CGNL1: variants seen among roughly 807,000 people sequenced by gnomAD.
CGNL1 encodes cingulin like 1, also known as cingulin-like protein 1.
Under a neutral mutation model 141.2 loss-of-function variants are expected in CGNL1, and 132 were observed. The ratio of observed to expected loss-of-function variants is 0.93; its 90% confidence interval spans 0.81 to 1.08. The LOEUF is 1.08. Ranked by LOEUF, CGNL1 falls within the 50% of genes least tolerant of loss-of-function variation. The pLI is 0.00. For synonymous variants in CGNL1, 690 were observed against 622.1 expected (o/e 1.11, Z -1.63); for missense variants, 1,870 against 1,588.6 (o/e 1.18, Z -3.01).
intron 8 of CGNL1, among the ~76,000 whole-genome samples, chr15:57,506,987 G>GT (rs1266821270): frequency 2.6e-5 from 4 of 152,144 alleles, no homozygotes; most frequent in Non-Finnish European, 1.5e-5. Flanking sequence ...CAGTTCAGTG[G>GT]TTTTTTATAT....
At chr15:57,429,038 T>TAAA (rs58040196) in intron 1 of CGNL1, among the ~76,000 whole-genome samples, 23 of 142,022 alleles carry the variant, frequency 1.6e-4, no homozygotes, top group Admixed American at 9.6e-4. Flanking sequence ...ACAACAGCAA[T>TAAA]AAAAAAAAAA....
At chr15:57,523,287 G>A (rs2031389681) in intron 10 of CGNL1, among the ~76,000 whole-genome samples, 2 of 152,214 alleles carry the variant, frequency 1.3e-5, no homozygotes, top group African/African-American at 4.8e-5. Flanking sequence ...TTTTGGGTAA[G>A]TCAACTTTCC....
At chr15:57,454,545 C>T (rs2063356621) in intron 7 of CGNL1, among the ~76,000 whole-genome samples, 1 of 152,142 alleles carries the variant, frequency 6.6e-6, no homozygotes, top group East Asian at 1.9e-4. Flanking sequence ...TAGAACTTAG[C>T]CTTTCTTCAC....
At chr15:57,477,518 A>G (rs1057039132) in intron 8 of CGNL1, 12 of 152,244 alleles carry the variant, frequency 7.9e-5, no homozygotes, top group African/African-American at 2.9e-4. Context: ...GTTTATAACT[A>G]TGACCCTAAA....
intron 1 of CGNL1, among the ~76,000 whole-genome samples, chr15:57,418,316 G>T (rs576575017): frequency 1.3e-5 from 2 of 152,110 alleles, no homozygotes; most frequent in East Asian, 3.9e-4. Flanking sequence ...CCATATAATT[G>T]CCTCCATCTC....
intron 8 of CGNL1, among the ~76,000 whole-genome samples, chr15:57,484,440 T>G (rs1487839999): frequency 6.6e-6 from 1 of 152,212 alleles, no homozygotes; most frequent in Non-Finnish European, 1.5e-5. Context: ...TTGTTTAATT[T>G]CTGATATTGG....
At chr15:57,495,841 T>G (rs1357709227) in intron 8 of CGNL1, among the ~76,000 whole-genome samples, 2 of 152,138 alleles carry the variant, frequency 1.3e-5, no homozygotes, top group African/African-American at 2.4e-5. Flanking sequence ...TAATACCAAG[T>G]GAAGGCCAAG....
chr15:57,513,481 C>T (rs2030515524), intron 8 of CGNL1, among the ~76,000 whole-genome samples: 1 of 152,024 alleles, frequency 6.6e-6, no homozygotes, highest in Non-Finnish European at 1.5e-5. Flanking sequence ...GTGAATAATG[C>T]TGCTATAAAC....
intron 1 of CGNL1, chr15:57,393,907 C>G (rs1339262122): frequency 6.7e-6 from 1 of 149,070 alleles, no homozygotes; most frequent in Non-Finnish European, 1.5e-5. Context: ...TGATACTGTT[C>G]TAAGTACTTA....
chr15:57,398,480 G>A (rs1489432895), intron 1 of CGNL1: 1 of 152,204 alleles, frequency 6.6e-6, no homozygotes, highest in Non-Finnish European at 1.5e-5. Flanking sequence ...AAGAGGGAAA[G>A]GGGAAAGGAA....
chr15:57,525,720 G>A (rs566891475), intron 12 of CGNL1, among the ~76,000 whole-genome samples: 79 of 151,946 alleles, frequency 5.2e-4, no homozygotes, highest in Non-Finnish European at 9.1e-4. Flanking sequence ...AGTCACCCAT[G>A]AGTCAGTGCT....
At chr15:57,447,944 C>T (rs1443875609) in intron 4 of CGNL1, among the ~76,000 whole-genome samples, 3 of 152,000 alleles carry the variant, frequency 2.0e-5, no homozygotes, top group African/African-American at 7.3e-5. Context: ...TACTTTAAGA[C>T]TTTCTCTTTT....
At chr15:57,409,778 A>G (rs984395351) in intron 1 of CGNL1, among the ~76,000 whole-genome samples, 20 of 152,336 alleles carry the variant, frequency 1.3e-4, no homozygotes, top group African/African-American at 4.3e-4. Flanking sequence ...TGCTAAAACA[A>G]GAATAGAAGT....
intron 7 of CGNL1, among the ~76,000 whole-genome samples, chr15:57,455,763 A>G (rs2063371691): frequency 6.6e-6 from 1 of 152,168 alleles, no homozygotes; most frequent in Admixed American, 6.5e-5. Flanking sequence ...ATATCTATTA[A>G]CTGAACATCA....
chr15:57,381,530 C>T (rs1039871261), intron 1 of CGNL1, among the ~76,000 whole-genome samples: 7 of 152,168 alleles, frequency 4.6e-5, no homozygotes, highest in Non-Finnish European at 7.3e-5. Flanking sequence ...CACTGCACTC[C>T]AGCCTGAGTC....
intron 1 of CGNL1, among the ~76,000 whole-genome samples, chr15:57,377,616 T>C (rs1009062607): frequency 4.6e-5 from 7 of 152,206 alleles, no homozygotes; most frequent in African/African-American, 1.7e-4. Context: ...GATTGGTGCT[T>C]TCCAACTTTA....
chr15:57,452,251 G>A lies in CGNL1; in HGVS notation c.2016G>A (p.Leu672=), dbSNP rs946082061. The A allele has an allele frequency of 5.0e-6, 8 of 1,613,794 alleles. No homozygotes were observed. The highest frequency in any genetic ancestry group is 6.8e-6 in the Non-Finnish European group (8 of 1,179,896). The change falls in exon 6 of 19, where the codon CTG becomes CTA. Residue 672 remains leucine (L), a synonymous_variant. Transcript: ENST00000281282. ...VEENSTLQQR[L]EESEGELRKN... is the part of the protein sequence containing the mutation. ...AGAACTCCACATTGCAGCAACGACT[G>A]GAAGAAAGTGAAGGGGAGCTCCGGA...
At chr15:57,448,207 G>A (rs746868254) in intron 4 of CGNL1, among the ~76,000 whole-genome samples, 4 of 152,166 alleles carry the variant, frequency 2.6e-5, no homozygotes, top group Non-Finnish European at 5.9e-5. Context: ...CTGCTCAGGA[G>A]GCTGAGGTAG....
chr15:57,468,012 C>T (rs1567136808), intron 8 of CGNL1, among the ~76,000 whole-genome samples: 1 of 152,036 alleles, frequency 6.6e-6, no homozygotes, highest in African/African-American at 2.4e-5. Context: ...TTTAAAGAAA[C>T]ATACTGAGGT....
Sources: gnomAD v4.1 joint callset for allele counts (sites outside exome capture counted in the v4.1 genomes callset) on GRCh38, gnomAD v4.1.1 for gene constraint, MANE v1.5 for transcripts, NCBI Gene and HGNC (gene_info 2026-07-23, HGNC 2026-07-21) for gene names.